C1orf146: variants seen among roughly 807,000 people sequenced by gnomAD.
C1orf146 encodes the protein chromosome 1 open reading frame 146.
C1orf146 carries 22 observed loss-of-function variants against 23.0 expected under a neutral mutation model. That is an observed-to-expected ratio of 0.96 (90% confidence interval 0.68 to 1.36). The LOEUF (loss-of-function observed/expected upper bound fraction) is 1.36. Ranked by LOEUF, C1orf146 falls within the 40% of genes most tolerant of loss-of-function variation. The pLI, the probability that C1orf146 is intolerant of heterozygous loss-of-function variation, is 0.00. For synonymous variants in C1orf146, 59 were observed against 65.3 expected, an observed-to-expected ratio of 0.90 and a Z score of 0.47; for missense variants, 199 against 206.8, an observed-to-expected ratio of 0.96 and a Z score of 0.23.
intron 1 of C1orf146, among the ~76,000 whole-genome samples, chr1:92,221,891 T>A (rs1278988393): frequency 6.6e-6 from 1 of 152,178 alleles, no homozygotes; most frequent in Non-Finnish European, 1.5e-5. Context: ...ACAACAGAAT[T>A]TGCTAATTTT....
chr1:92,245,261 A>ACC (rs906730883), intron 5 of C1orf146, among the ~76,000 whole-genome samples: 17 of 152,068 alleles, frequency 1.1e-4, no homozygotes, highest in African/African-American at 3.9e-4. Flanking sequence ...GACACCTCCA[A>ACC]CCCCCTAGGC....
At chr1:92,234,402 C>T (rs1360170223) in intron 2 of C1orf146, among the ~76,000 whole-genome samples, 1 of 152,060 alleles carries the variant, frequency 6.6e-6, no homozygotes, top group Admixed American at 6.6e-5. Context: ...TGTTTATATG[C>T]TGGATTACAT....
At chr1:92,219,288 T>G (rs939390189) in intron 1 of C1orf146, among the ~76,000 whole-genome samples, 3 of 152,070 alleles carry the variant, frequency 2.0e-5, no homozygotes, top group African/African-American at 7.2e-5. Flanking sequence ...AGGTGCTGAG[T>G]AAGGTAAAAC....
chr1:92,224,685 CTATTTT>C (rs1183062661), intron 1 of C1orf146, among the ~76,000 whole-genome samples: 23 of 152,188 alleles, frequency 1.5e-4, no homozygotes, highest in African/African-American at 5.3e-4. Flanking sequence ...TTTATTCTTT[CTATTTT>C]TATTCCATTG....
In C1orf146 at chr1:92,231,418, C is replaced by G; in HGVS notation, c.-3C>G. The stretch of plus-strand genomic sequence containing the variant: ...ATTAGAAGCTAGGTTGATCCACAGA[C>G]AGATGGCTGAAAGTGGAAAAGAAAA... On this transcript the variant is annotated 5_prime_UTR_variant, in exon 2 of 6. Transcript: ENST00000370375. 6.2e-7 allele frequency: 1 copy of G among 1,606,604 alleles called. No homozygotes were observed. Among genetic ancestry groups the G allele is most frequent in the Middle Eastern group, 1.7e-4 (1 of 6,034 alleles).
chr1:92,229,367 C>T (rs143634619), intron 1 of C1orf146: 20 of 543,722 alleles, frequency 3.7e-5, no homozygotes, highest in East Asian at 3.4e-4. Flanking sequence ...ACAGCACCTC[C>T]GGACACCGGA....
chr1:92,222,364 G>GT (rs976516557), intron 1 of C1orf146, among the ~76,000 whole-genome samples: 18 of 148,664 alleles, frequency 1.2e-4, no homozygotes, highest in Non-Finnish European at 5.9e-5. Context: ...TAACATGCAT[G>GT]TATATATAAC....
chr1:92,223,640 C>G (rs893182631), intron 1 of C1orf146, among the ~76,000 whole-genome samples: 8 of 152,164 alleles, frequency 5.3e-5, no homozygotes, highest in Admixed American at 1.3e-4. Context: ...TCAAGCGATT[C>G]TCCTGCTTCA....
intron 2 of C1orf146, among the ~76,000 whole-genome samples, chr1:92,232,687 G>A (rs1457059648): frequency 6.6e-6 from 1 of 151,460 alleles, no homozygotes; most frequent in Non-Finnish European, 1.5e-5. Flanking sequence ...TCACCACACT[G>A]TCTTCCACAA....
Position 92,242,270 on chromosome 1 carries a change from C to A in C1orf146, c.125C>A (p.Ser42Ter). 6.2e-7 allele frequency: 1 copy of A among 1,601,380 alleles called. No homozygotes were observed. Reference sequence around the variant, plus strand: ...AGCCACAAAGTTCGATATTCAGATTCAGTGGAAAATGGATCAATTATATTT... The same window carrying A: ...AGCCACAAAGTTCGATATTCAGATTAAGTGGAAAATGGATCAATTATATTT... ...NRSHKVRYSD[S>*]VENGSIIFSL... The change falls in exon 3 of 6, where the codon TCA (serine) becomes TAA (stop). Residue 42 changes from serine (S) to a stop codon, truncating the protein, a stop_gained. Coordinates refer to ENST00000370375, the MANE Select transcript of C1orf146 (RefSeq NM_001012425.2). LOFTEE classifies it high-confidence loss of function.
chr1:92,236,211 C>T (rs1345651044), intron 2 of C1orf146, among the ~76,000 whole-genome samples: 1 of 151,854 alleles, frequency 6.6e-6, no homozygotes, highest in Non-Finnish European at 1.5e-5. Flanking sequence ...TCTCGATGGT[C>T]TTTACATTTT....
At chr1:92,233,202 G>A (rs1203821682) in intron 2 of C1orf146, among the ~76,000 whole-genome samples, 1 of 152,164 alleles carries the variant, frequency 6.6e-6, no homozygotes, top group Non-Finnish European at 1.5e-5. Flanking sequence ...TGTCTTGGGT[G>A]GTAATACCTA....
chr1:92,229,486 C>T, intron 1 of C1orf146: 1 of 472,100 alleles, frequency 2.1e-6, no homozygotes. Flanking sequence ...TTTCTGTGAG[C>T]TGTACCCTTG....
At chr1:92,242,176 G>T in intron 2 of C1orf146, 36 bp from the exon 3 acceptor site, 1 of 1,189,620 alleles carries the variant, frequency 8.4e-7, no homozygotes, top group Non-Finnish European at 1.2e-6. Flanking sequence ...TTGTAAGCAT[G>T]CCTTAAATTT....
chr1:92,220,077 TTTTG>T (rs1040116958), intron 1 of C1orf146, among the ~76,000 whole-genome samples: 33 of 152,272 alleles, frequency 2.2e-4, no homozygotes, highest in South Asian at 1.2e-3. Flanking sequence ...TGTGGGGTTT[TTTTG>T]TTTGTTTGTT....
chr1:92,242,333 G>C (rs376534797), intron 3 of C1orf146, 28 bp downstream of exon 3: 2 of 1,180,662 alleles, frequency 1.7e-6, no homozygotes, highest in Non-Finnish European at 2.5e-6. Context: ...ACTGCCTTAA[G>C]TTTCTTATGA....
At chr1:92,219,903 T>C (rs1291364974) in intron 1 of C1orf146, among the ~76,000 whole-genome samples, 1 of 152,230 alleles carries the variant, frequency 6.6e-6, no homozygotes, top group Non-Finnish European at 1.5e-5. Flanking sequence ...TCTCCATTTA[T>C]TGGTTTGTTC....
intron 2 of C1orf146, among the ~76,000 whole-genome samples, chr1:92,236,972 G>A (rs1652293439): frequency 6.6e-6 from 1 of 152,058 alleles, no homozygotes; most frequent in South Asian, 2.1e-4. Flanking sequence ...GCTCCTTTAA[G>A]CACTTCTCTG....
At chr1:92,232,871 A>C (rs556641962) in intron 2 of C1orf146, among the ~76,000 whole-genome samples, 106 of 151,846 alleles carry the variant, frequency 7.0e-4, no homozygotes, top group African/African-American at 2.5e-3. Flanking sequence ...GATGGTGAGC[A>C]TTTTTTCATG....
Sources: allele counts gnomAD v4.1 joint callset (sites outside exome capture counted in the v4.1 genomes callset), GRCh38; gene constraint gnomAD v4.1.1; transcripts MANE v1.5; gene names NCBI Gene and HGNC (gene_info 2026-07-23, HGNC 2026-07-21).